RPS3: variants seen among roughly 807,000 people sequenced by gnomAD.
RPS3 encodes the protein ribosomal protein S3, also known as small ribosomal subunit protein uS3.
In RPS3, 2 loss-of-function variants were observed where a neutral mutation model predicts 25.8. The ratio of observed to expected loss-of-function variants is 0.08; its 90% CI spans 0.03 to 0.24. RPS3 has a LOEUF of 0.24. Ranked by LOEUF, RPS3 falls within the 10% of genes least tolerant of loss-of-function variation. The pLI is 1.00. For missense variants in RPS3, 107 were observed against 307.1 expected, an observed-to-expected ratio of 0.35 and a Z score of 4.87; for synonymous variants, 114 against 114.2, an observed-to-expected ratio of 1.00 and a Z score of 0.01.
In RPS3 at chr11:75,420,294, T is replaced by G. The variant is rs1034828574; in HGVS notation, c.*4-1433T>G. ...TGGGGTGTCACCTTTTGCTTGTGTT[T>G]GTGAACCTCTCTTATCAGGGACAAG... On this transcript the variant is annotated intron_variant, in intron 6 of 6. Transcript: ENST00000527446. Among the ~76,000 whole-genome samples, 3 of 152,350 alleles carry G rather than the reference T, an allele frequency of 2.0e-5. No homozygotes were observed. The South Asian group carries it at 6.2e-4, about 32-fold the overall frequency.
chr11:75,416,514 A>G (rs1948401155), intron 6 of RPS3, among the ~76,000 whole-genome samples: 1 of 146,190 alleles, frequency 6.8e-6, no homozygotes, highest in South Asian at 2.1e-4. Context: ...GCTGGAGTAC[A>G]GTGGCATGAT....
intron 6 of RPS3, among the ~76,000 whole-genome samples, chr11:75,413,666 A>G (rs1372568323): frequency 6.6e-6 from 1 of 152,220 alleles, no homozygotes; most frequent in Admixed American, 6.5e-5. Flanking sequence ...TGGCAGCTTA[A>G]TGCACAGTTT....
Position 75,405,754 on chromosome 11 carries a change from A to G in RPS3, c.*144A>G, listed in dbSNP as rs1266499736. On this transcript the variant is annotated 3_prime_UTR_variant, in exon 7 of 7. Transcript: ENST00000531188. ...CATGTTGGCCTCTGGAGCATTACAT[A>G]TCTTCTTGGTTTTAACCATACTTGT... 2.3e-6 allele frequency: 1 copy of G among 425,662 alleles called. No homozygotes were observed. Among genetic ancestry groups the G allele is most frequent in the Admixed American group, 2.7e-5 (1 of 36,480 alleles). 26.4% of individuals were successfully genotyped at this position (425,662 alleles called of 1,614,324 possible).
chr11:75,399,847 C>T, intron 1 of RPS3: 1 of 545,952 alleles, frequency 1.8e-6, no homozygotes, highest in Non-Finnish European at 3.2e-6. Context: ...ATTTGTCGGT[C>T]AACGGAATTA....
In RPS3 at chr11:75,404,487, G is replaced by A; in HGVS notation, c.539-185G>A. 2.5e-6 allele frequency: 2 copies of A among 800,816 alleles called. No individual in the cohort carries two copies. Among genetic ancestry groups the A allele is most frequent in the Non-Finnish European group, 2.3e-6 (1 of 439,666 alleles). The allele number at this position is 800,816 out of a possible 1,614,324, so 49.6% of individuals were successfully genotyped here. ...TGCTCTTGGTCCTTGTCAGTGCCAT[G>A]TTCTGTGGTGCTGTGCACGAGTTCC... On this transcript the variant is annotated intron_variant, in intron 5 of 6. Coordinates refer to ENST00000531188, the MANE Select transcript of RPS3 (RefSeq NM_001005.5). The surrounding 1 kb of genome is among the most constrained non-coding windows in gnomAD (Gnocchi z 4.6).
downstream of RPS3, among the ~76,000 whole-genome samples, chr11:75,410,081 CCCCCCT>C (rs1418063945): frequency 2.0e-4 from 27 of 134,464 alleles, no homozygotes; most frequent in African/African-American, 8.5e-4. Context: ...ACCCCCCCCT[CCCCCCT>C]CCCGGACTGG....
intron 4 of RPS3, 181 bp from the exon 5 acceptor site, chr11:75,403,839 A>G: frequency 1.7e-6 from 1 of 576,002 alleles, no homozygotes; most frequent in Non-Finnish European, 3.0e-6. Context: ...GACATACTTG[A>G]TGAATATTAC....
At chr11:75,410,613 G>A (rs1948346463), downstream of RPS3, among the ~76,000 whole-genome samples, 1 of 152,232 alleles carries the variant, frequency 6.6e-6, no homozygotes, top group Non-Finnish European at 1.5e-5. Flanking sequence ...CTGCAATCTC[G>A]GCACTTTGGG....
chr11:75,400,919 G>A, intron 2 of RPS3, 95 bp downstream of exon 2: 1 of 1,422,450 alleles, frequency 7.0e-7, no homozygotes, highest in Non-Finnish European at 9.3e-7. Context: ...GTCTTGCTCT[G>A]TCCCCAAAGC....
At position 75,401,901 on chromosome 11, in the gene RPS3, G is replaced by A. The variant is rs150411512; in HGVS notation, c.255+168G>A. 6 of 595,136 alleles carry A rather than the reference G, an allele frequency of 1.0e-5. No individual in the cohort carries two copies. In the East Asian group the frequency reaches 1.4e-4, roughly 14 times the overall value. 36.9% of individuals were successfully genotyped at this position (595,136 alleles called of 1,614,324 possible). A position where few individuals can be genotyped will look rare whatever the true frequency, so the allele number is the denominator to read the frequency against. ...AACTTTGTAAGCCTATTCTGCTAAT[G>A]GCTGATGGTTAAAGGATTTTACATT... On this transcript the variant is annotated intron_variant, in intron 3 of 6. Coordinates refer to ENST00000531188, the MANE Select transcript of RPS3 (RefSeq NM_001005.5).
Position 75,404,540 on chromosome 11 carries a change from C to A in RPS3, c.539-132C>A, listed in dbSNP as rs781630287. On this transcript the variant is annotated intron_variant, in intron 5 of 6. Transcript: ENST00000531188. This position sits in a 1 kb window ranked among gnomAD's most constrained non-coding sequence, Gnocchi z 4.6. ...TGGCAGAAGTGTCCTATTTATTGATCGATTTAGAGGCATTTGTCTGAGAAG... is the reference window on the plus strand; with the variant it reads ...TGGCAGAAGTGTCCTATTTATTGATAGATTTAGAGGCATTTGTCTGAGAAG... 15 of 892,132 alleles carry A rather than the reference C, an allele frequency of 1.7e-5. No homozygotes were observed. The highest frequency in any genetic ancestry group is 2.7e-5 in the Non-Finnish European group (14 of 521,370). The allele number at this position is 892,132 out of a possible 1,614,324, so 55.3% of individuals were successfully genotyped here. A position where few individuals can be genotyped will look rare whatever the true frequency, so the allele number is the denominator to read the frequency against.
intron 6 of RPS3, among the ~76,000 whole-genome samples, chr11:75,419,410 T>C (rs1948425765): frequency 6.6e-6 from 1 of 151,746 alleles, no homozygotes; most frequent in South Asian, 2.1e-4. Context: ...AAAAATTAGC[T>C]GGGCATGGTG....
intron 3 of RPS3, 121 bp from the exon 4 acceptor site, chr11:75,402,231 C>A: frequency 6.9e-7 from 1 of 1,454,484 alleles, no homozygotes; most frequent in Non-Finnish European, 9.5e-7. Flanking sequence ...GGGCAGCATG[C>A]GGCCCGTGGG....
intron 6 of RPS3, among the ~76,000 whole-genome samples, chr11:75,414,567 CGCCACTGCACTCCA>C (rs1480968894): frequency 1.3e-5 from 2 of 151,332 alleles, no homozygotes; most frequent in Admixed American, 6.6e-5. Flanking sequence ...GCTGAGATCG[CGCCACTGCACTCCA>C]GCCTGGGCGA....
chr11:75,407,867 A>G (rs967827375), downstream of RPS3, among the ~76,000 whole-genome samples: 4 of 152,346 alleles, frequency 2.6e-5, no homozygotes, highest in African/African-American at 9.6e-5. Context: ...TCTCCAGTCC[A>G]CTTGGAAGTT....
intron 1 of RPS3, chr11:75,399,949 A>G: frequency 2.9e-6 from 1 of 338,994 alleles, no homozygotes. Context: ...TCTTGCCTTA[A>G]CTGGTCGTTT....
intron 3 of RPS3, 72 bp downstream of exon 3, chr11:75,401,805 G>A: frequency 1.2e-6 from 1 of 862,714 alleles, no homozygotes. Flanking sequence ...TCAACTTGGA[G>A]ACTTTAATTG....
chr11:75,402,139 A>G lies in RPS3; in HGVS notation c.256-213A>G. ...TCCGTAGGCTACGTTGGAAGAAGAA[A>G]TGTCTTGGGCCACACTACTACTGGT... On this transcript the variant is annotated intron_variant, in intron 3 of 6. Coordinates refer to ENST00000531188, the MANE Select transcript of RPS3 (RefSeq NM_001005.5). The G allele has an allele frequency of 7.9e-6, 5 of 631,120 alleles. No homozygotes were observed. In the South Asian group the frequency reaches 1.0e-4, roughly 13 times the overall value. The allele number at this position is 631,120 out of a possible 1,614,324, so 39.1% of individuals were successfully genotyped here.
exon 7 of RPS3, chr11:75,421,935 T>A (rs1340851554): frequency 6.6e-6 from 1 of 152,278 alleles, no homozygotes; most frequent in Non-Finnish European, 1.5e-5. Flanking sequence ...TTAATATATA[T>A]AGTGTGTGTT....
Sources: gnomAD v4.1 joint callset for allele counts (sites outside exome capture counted in the v4.1 genomes callset) on GRCh38, gnomAD v4.1.1 for gene constraint, Gnocchi (gnomAD v3.1) non-coding constraint, MANE v1.5 for transcripts, NCBI Gene and HGNC (gene_info 2026-07-23, HGNC 2026-07-21) for gene names.